ZFPM2: variants seen among roughly 807,000 people sequenced by gnomAD.
ZFPM2 encodes the protein zinc finger protein ZFPM2.
A neutral mutation model predicts 98.6 loss-of-function variants in ZFPM2; 20 were observed. The ratio of observed to expected loss-of-function variants is 0.20; its 90% CI spans 0.14 to 0.29. ZFPM2 has a LOEUF of 0.29. Ranked by LOEUF, ZFPM2 falls within the 10% of genes least tolerant of loss-of-function variation. ZFPM2 has a pLI of 1.00. For missense variants in ZFPM2, 1,310 were observed against 1,388.6 expected (o/e 0.94, Z 0.90); for synonymous variants, 518 against 502.7 (o/e 1.03, Z -0.41).
rs142521055 is a variant in ZFPM2, at chr8:105,452,763, AC to A, written c.301+8383del. Among the ~76,000 whole-genome samples, 910 of 152,072 alleles carry A rather than the reference AC, an allele frequency of 6.0e-3. 9 individuals carry two copies. Among genetic ancestry groups the A allele is most frequent in the African/African-American group, 0.021 (870 of 41,486 alleles). ...TGAGACCCTGTCTCAAACAACAACAACAACAAAACAAAACAAAACGACAAAC... is the reference window on the plus strand; with the variant it reads ...TGAGACCCTGTCTCAAACAACAACAAAACAAAACAAAACAAAACGACAAAC... On this transcript the variant is annotated intron_variant, in intron 3 of 7. Coordinates refer to ENST00000407775, the MANE Select transcript of ZFPM2 (RefSeq NM_012082.4).
At chr8:105,511,762 A>G (rs1813822541) in intron 3 of ZFPM2, among the ~76,000 whole-genome samples, 1 of 152,218 alleles carries the variant, frequency 6.6e-6, no homozygotes, top group Non-Finnish European at 1.5e-5. Flanking sequence ...ACTCTTGATT[A>G]CAGAAATCAC....
intron 1 of ZFPM2, among the ~76,000 whole-genome samples, chr8:105,383,429 A>G (rs1316044588): frequency 1.3e-5 from 2 of 152,174 alleles, no homozygotes; most frequent in African/African-American, 4.8e-5. Flanking sequence ...TCTTGGTCCA[A>G]TGACAAATAA....
intron 3 of ZFPM2, among the ~76,000 whole-genome samples, chr8:105,539,726 A>G (rs1814537015): frequency 6.6e-6 from 1 of 152,294 alleles, no homozygotes; most frequent in Non-Finnish European, 1.5e-5. Flanking sequence ...AGAGATAGTC[A>G]CTGGGCCCTA....
chr8:105,328,524 T>G lies in ZFPM2; in HGVS notation c.40+9543T>G, dbSNP rs556607505. Among the ~76,000 whole-genome samples the G allele has an allele frequency of 3.4e-4, 51 of 151,994 alleles. No individual in the cohort carries two copies. In the South Asian group the frequency reaches 0.01, roughly 31 times the overall value. On this transcript the variant is annotated intron_variant, in intron 1 of 7. Coordinates refer to ENST00000407775, the MANE Select transcript of ZFPM2 (RefSeq NM_012082.4). The stretch of plus-strand genomic sequence containing the variant: ...TCTGTGTTGTAATTGTCTTCTTACC[T>G]CAACTGTTTATGTATAGCAGTATAT...
chr8:105,328,328 A>G (rs1468207496), intron 1 of ZFPM2, among the ~76,000 whole-genome samples: 2 of 151,864 alleles, frequency 1.3e-5, no homozygotes, highest in Non-Finnish European at 2.9e-5. Flanking sequence ...AAGATCTAAA[A>G]GTTTAATTTC....
At chr8:105,720,077 A>G (rs1317690233) in intron 5 of ZFPM2, among the ~76,000 whole-genome samples, 5 of 151,948 alleles carry the variant, frequency 3.3e-5, no homozygotes, top group African/African-American at 4.8e-5. Flanking sequence ...TATGCAAAGT[A>G]TACATTAATT....
intron 3 of ZFPM2, among the ~76,000 whole-genome samples, chr8:105,461,029 T>TA (rs1351505456): frequency 6.6e-6 from 1 of 152,022 alleles, no homozygotes; most frequent in Non-Finnish European, 1.5e-5. Flanking sequence ...TATTCATTTA[T>TA]AAAAAAATCA....
chr8:105,610,775 A>G (rs1475446020), intron 4 of ZFPM2, among the ~76,000 whole-genome samples: 1 of 152,208 alleles, frequency 6.6e-6, no homozygotes, highest in Non-Finnish European at 1.5e-5. Context: ...AAACTCAACA[A>G]TCTGCTCTGC....
intron 3 of ZFPM2, among the ~76,000 whole-genome samples, chr8:105,493,001 T>C (rs1813386991): frequency 6.6e-6 from 1 of 152,202 alleles, no homozygotes; most frequent in Admixed American, 6.6e-5. Context: ...TCAGTTTTGT[T>C]AGACTCTAAG....
At chr8:105,610,747 T>G (rs1816293483) in intron 4 of ZFPM2, among the ~76,000 whole-genome samples, 1 of 152,166 alleles carries the variant, frequency 6.6e-6, no homozygotes, top group Non-Finnish European at 1.5e-5. Flanking sequence ...TCATCCATTG[T>G]CCAAATAGCA....
chr8:105,683,417 A>C (rs1586195807), intron 5 of ZFPM2, among the ~76,000 whole-genome samples: 1 of 152,140 alleles, frequency 6.6e-6, no homozygotes, highest in East Asian at 1.9e-4. Flanking sequence ...AATCAAGACA[A>C]ATTTTTTTGG....
chr8:105,322,060 TA>T lies in ZFPM2; in HGVS notation c.40+3081del, dbSNP rs749514102. Among the ~76,000 whole-genome samples, 113 of 152,230 alleles carry T rather than the reference TA, an allele frequency of 7.4e-4. 3 individuals carry two copies. In the Middle Eastern group the frequency reaches 0.044, roughly 60 times the overall value. On this transcript the variant is annotated intron_variant, in intron 1 of 7. Coordinates refer to ENST00000407775, the MANE Select transcript of ZFPM2 (RefSeq NM_012082.4). ...CCCTCCCCTCAGAAGCTTTCTCTCA[TA>T]AGCTATTATTGTAATCCTGGTTTGA...
chr8:105,400,129 G>A (rs1563641327), intron 1 of ZFPM2, among the ~76,000 whole-genome samples: 2 of 151,858 alleles, frequency 1.3e-5, no homozygotes, highest in Admixed American at 6.6e-5. Context: ...TTATTGCTTC[G>A]TGATTCTTTC....
intron 1 of ZFPM2, among the ~76,000 whole-genome samples, chr8:105,413,249 A>G (rs1484381444): frequency 6.6e-6 from 1 of 151,684 alleles, no homozygotes. Flanking sequence ...GTGTCAGTCC[A>G]CTCCTTCCTT....
At chr8:105,608,498 T>TTTTC (rs1394263590) in intron 4 of ZFPM2, among the ~76,000 whole-genome samples, 2 of 152,018 alleles carry the variant, frequency 1.3e-5, no homozygotes, top group Admixed American at 6.6e-5. Context: ...TATCAAACAT[T>TTTTC]TTTCACATTA....
At chr8:105,473,658 C>A (rs1411149795) in intron 3 of ZFPM2, among the ~76,000 whole-genome samples, 1 of 152,146 alleles carries the variant, frequency 6.6e-6, no homozygotes, top group Non-Finnish European at 1.5e-5. Context: ...CTTTTATATC[C>A]TGAGGAAACA....
At position 105,365,642 on chromosome 8, in the gene ZFPM2, C is replaced by T. The variant is rs1003444198; in HGVS notation, c.40+46661C>T. Among the ~76,000 whole-genome samples the T allele has an allele frequency of 2.6e-5, 4 of 152,014 alleles. No homozygotes were observed. The East Asian group carries it at 7.7e-4, about 29-fold the overall frequency. ...GGTTTTTGTTTGCTTGTTCATTTAG[C>T]AAAATATAATGTGGAAAGCCCCAAA... is the stretch of plus-strand genomic sequence containing the variant. On this transcript the variant is annotated intron_variant, in intron 1 of 7. Transcript: ENST00000407775.
intron 5 of ZFPM2, among the ~76,000 whole-genome samples, chr8:105,691,212 C>T (rs1409754436): frequency 1.8e-4 from 27 of 147,246 alleles, no homozygotes; most frequent in Non-Finnish European, 3.1e-4. Flanking sequence ...TTGGCTCAAG[C>T]GCCCTGTTCC....
chr8:105,382,266 G>T (rs1810904132), intron 1 of ZFPM2, among the ~76,000 whole-genome samples: 2 of 151,544 alleles, frequency 1.3e-5, no homozygotes, highest in Non-Finnish European at 3.0e-5. Flanking sequence ...ACTCTAGAGA[G>T]TACTTAAGCT....
Sources: gnomAD v4.1 joint callset for allele counts (sites outside exome capture counted in the v4.1 genomes callset) on GRCh38, gnomAD v4.1.1 for gene constraint, MANE v1.5 for transcripts, NCBI Gene and HGNC (gene_info 2026-07-23, HGNC 2026-07-21) for gene names.